SLC22A15: variants seen among roughly 807,000 people sequenced by gnomAD.
The protein encoded by SLC22A15 is flipt 1.
A neutral mutation model predicts 62.7 loss-of-function variants in SLC22A15; 45 were observed. The observed-to-expected ratio is 0.72, with a 90% confidence interval of 0.56 to 0.92. The LOEUF is 0.92. Ranked by LOEUF, SLC22A15 falls within the 40% of genes least tolerant of loss-of-function variation. The probability of loss-of-function intolerance (pLI) is 0.00; values close to 1 mark genes in which losing one functional copy is unlikely to be tolerated. For synonymous variants in SLC22A15, 264 were observed against 267.0 expected (o/e 0.99, Z 0.11); for missense variants, 622 against 665.6 (o/e 0.93, Z 0.72).
At chr1:116,061,562 G>A (rs1407010124) in intron 8 of SLC22A15, among the ~76,000 whole-genome samples, 2 of 151,974 alleles carry the variant, frequency 1.3e-5, no homozygotes, top group African/African-American at 2.4e-5. Flanking sequence ...TCACTGGGAC[G>A]TTTGATAGGG....
intron 1 of SLC22A15, among the ~76,000 whole-genome samples, chr1:115,980,406 C>G (rs960149332): frequency 3.9e-5 from 6 of 152,022 alleles, no homozygotes; most frequent in Non-Finnish European, 7.4e-5. Flanking sequence ...GCAACACTGT[C>G]TATTATAACA....
chr1:115,995,206 A>G (rs1655362579), intron 2 of SLC22A15, among the ~76,000 whole-genome samples: 1 of 152,136 alleles, frequency 6.6e-6, no homozygotes. Flanking sequence ...TTGATTAGCC[A>G]TTCCAGGTAT....
intron 4 of SLC22A15, among the ~76,000 whole-genome samples, chr1:116,021,685 A>G (rs1261361061): frequency 2.0e-5 from 3 of 152,236 alleles, no homozygotes; most frequent in African/African-American, 7.2e-5. Flanking sequence ...AGTGCCAGCC[A>G]TCTCTTATGT....
At chr1:116,052,016 TG>T (rs1038770622) in intron 8 of SLC22A15, among the ~76,000 whole-genome samples, 3 of 152,204 alleles carry the variant, frequency 2.0e-5, no homozygotes, top group African/African-American at 7.2e-5. Flanking sequence ...TCTGAGGTAC[TG>T]GGTTTATCTC....
chr1:115,995,816 CT>C (rs34345085), intron 2 of SLC22A15, among the ~76,000 whole-genome samples: 14,910 of 152,136 alleles, frequency 0.098, 1,035 homozygotes, highest in African/African-American at 0.18. Flanking sequence ...CTCTTGTGTC[CT>C]TTTATTTTTA....
chr1:115,982,269 A>G (rs1478293650), intron 1 of SLC22A15, among the ~76,000 whole-genome samples: 2 of 152,236 alleles, frequency 1.3e-5, no homozygotes, highest in African/African-American at 4.8e-5. Flanking sequence ...TACTCAACAA[A>G]TGGCATATGG....
intron 2 of SLC22A15, among the ~76,000 whole-genome samples, chr1:116,017,064 TGCTTCACTG>T (rs1656572128): frequency 6.6e-6 from 1 of 152,204 alleles, no homozygotes; most frequent in Non-Finnish European, 1.5e-5. Flanking sequence ...GATGCCCACC[TGCTTCACTG>T]GCCTAATTTC....
chr1:116,052,076 A>G (rs6428858), intron 8 of SLC22A15, among the ~76,000 whole-genome samples: 147,212 of 152,306 alleles, frequency 0.97, 71,355 homozygotes, highest in East Asian at 1. Flanking sequence ...GCAGTGCACC[A>G]TGCGCGAGCC....
At position 116,062,831 on chromosome 1, in the gene SLC22A15, C is replaced by G; in HGVS notation, c.1241C>G (p.Ala414Gly). 1 of 1,613,754 alleles carries G rather than the reference C, an allele frequency of 6.2e-7. No homozygotes were observed. Among genetic ancestry groups the G allele is most frequent in the East Asian group, 2.2e-5 (1 of 44,870 alleles). ...CTGGGGAAGCTGACCATCAGTGCTGCCTTTAACATTGTTTATATCTACACC... is the reference window on the plus strand; with the variant it reads ...CTGGGGAAGCTGACCATCAGTGCTGGCTTTAACATTGTTTATATCTACACC... ...SLLGKLTISAAFNIVYIYTSE... is the reference protein window; with the variant it reads ...SLLGKLTISAGFNIVYIYTSE... The change falls in exon 9 of 12, where the codon GCC becomes GGC. Residue 414 changes from alanine to glycine, a missense_variant. Coordinates refer to ENST00000369503, the MANE Select transcript of SLC22A15 (RefSeq NM_018420.3).
At chr1:116,020,315 G>A (rs1656758970) in intron 3 of SLC22A15, among the ~76,000 whole-genome samples, 1 of 150,960 alleles carries the variant, frequency 6.6e-6, no homozygotes, top group South Asian at 2.1e-4. Context: ...CACTTTGGGA[G>A]GCCGAGGTGG....
intron 2 of SLC22A15, among the ~76,000 whole-genome samples, chr1:116,016,056 A>G (rs751189123): frequency 1.3e-5 from 2 of 152,006 alleles, no homozygotes; most frequent in Non-Finnish European, 2.9e-5. Flanking sequence ...TCTCTTTTAT[A>G]TGAAACTTTC....
intron 1 of SLC22A15, among the ~76,000 whole-genome samples, chr1:115,989,490 T>C (rs1655043508): frequency 6.6e-6 from 1 of 152,146 alleles, no homozygotes; most frequent in Admixed American, 6.5e-5. Context: ...GATAAAAATA[T>C]GATATGTTGG....
chr1:115,994,931 C>T (rs139772506), intron 2 of SLC22A15, among the ~76,000 whole-genome samples: 1 of 152,344 alleles, frequency 6.6e-6, no homozygotes, highest in East Asian at 1.9e-4. Flanking sequence ...TTCAGGATCA[C>T]ACATGACATT....
At chr1:115,994,990 C>G (rs921426781) in intron 2 of SLC22A15, among the ~76,000 whole-genome samples, 1 of 150,338 alleles carries the variant, frequency 6.7e-6, no homozygotes, top group South Asian at 2.1e-4. Context: ...CTTTTTTTTT[C>G]TTTTATAACA....
intron 2 of SLC22A15, among the ~76,000 whole-genome samples, chr1:116,010,088 A>C (rs1656177011): frequency 1.3e-5 from 2 of 152,214 alleles, no homozygotes; most frequent in African/African-American, 2.4e-5. Context: ...AGGAGTCTTG[A>C]CTATTCTAAA....
chr1:115,994,731 G>A (rs1302405274), intron 2 of SLC22A15, among the ~76,000 whole-genome samples: 3 of 152,054 alleles, frequency 2.0e-5, no homozygotes, highest in African/African-American at 4.8e-5. Context: ...ATACTTCAGC[G>A]TGTATTTACT....
rs756838781 is a variant in SLC22A15, at chr1:115,996,415, G to A, written c.300+4172G>A. ...GCATATCAATTTGGGGAGAATCAAC[G>A]TCTTTACTATGCTGAGTCTTCCAAT... On this transcript the variant is annotated intron_variant, in intron 2 of 11. Transcript: ENST00000369503. 3.3e-5 allele frequency among the ~76,000 whole-genome samples: 5 copies of A among 152,094 alleles called. No homozygotes were observed. In the East Asian group the frequency reaches 5.8e-4, roughly 18 times the overall value.
In SLC22A15 at chr1:115,996,072, G is replaced by T. The variant is rs570751427; in HGVS notation, c.300+3829G>T. The stretch of plus-strand genomic sequence containing the variant: ...CCCATCCCTTACCCTTTTCTTAATC[G>T]CTAGTAACCACTGATCTGCCTTCTT... On this transcript the variant is annotated intron_variant, in intron 2 of 11. Transcript: ENST00000369503. Among the ~76,000 whole-genome samples, 4 of 152,124 alleles carry T rather than the reference G, an allele frequency of 2.6e-5. No homozygotes were observed. In the East Asian group the frequency reaches 5.8e-4, roughly 22 times the overall value.
chr1:116,059,131 C>T (rs1474228393), intron 8 of SLC22A15, among the ~76,000 whole-genome samples: 4 of 152,078 alleles, frequency 2.6e-5, no homozygotes, highest in African/African-American at 9.7e-5. Context: ...AAAATGAAAC[C>T]ACAGTGGGAT....
Sources: gnomAD v4.1 joint callset for allele counts (sites outside exome capture counted in the v4.1 genomes callset) on GRCh38, gnomAD v4.1.1 for gene constraint, MANE v1.5 for transcripts, NCBI Gene and HGNC (gene_info 2026-07-23, HGNC 2026-07-21) for gene names.